NME5: variants seen among roughly 807,000 people sequenced by gnomAD.
NME5 encodes NME/NM23 family member 5.
A neutral mutation model predicts 21.6 loss-of-function variants in NME5; 18 were observed. That is an observed-to-expected ratio of 0.83 (90% CI 0.58 to 1.24). The LOEUF is 1.24. Among genes scored for constraint, NME5 ranks in the 50% most tolerant of loss-of-function variants. NME5 has a pLI of 0.00. For missense variants in NME5, 223 were observed against 255.4 expected, an observed-to-expected ratio of 0.87 and a Z score of 0.86; for synonymous variants, 70 against 80.6, an observed-to-expected ratio of 0.87 and a Z score of 0.71.
At chr5:138,115,989 A>C (rs1751149017) in intron 5 of NME5, among the ~76,000 whole-genome samples, 1 of 152,238 alleles carries the variant, frequency 6.6e-6, no homozygotes, top group African/African-American at 2.4e-5. Flanking sequence ...ATAAACCTAC[A>C]TGTGGAAAAC....
At chr5:138,136,741 C>T (rs997534630) in intron 2 of NME5, among the ~76,000 whole-genome samples, 2 of 151,992 alleles carry the variant, frequency 1.3e-5, no homozygotes, top group Admixed American at 6.6e-5. Flanking sequence ...CTCCCATGTT[C>T]AAGCGATTCT....
At position 138,128,540 on chromosome 5, in the gene NME5, T is replaced by G; in HGVS notation, c.375A>C (p.Ala125=). The change falls in exon 4 of 6, where the codon GCA becomes GCC. Residue 125 remains alanine, a synonymous_variant. Transcript: ENST00000265191. ...AIYGTDDLRN[A]LHGSNDFAAA... is the part of the protein sequence containing the mutation. ...CAGCAAAGTCATTACTCCCATGAAGTGCATTCCTTAGGTCATCTGTGCCAT... is the reference window on the plus strand; with the variant it reads ...CAGCAAAGTCATTACTCCCATGAAGGGCATTCCTTAGGTCATCTGTGCCAT... The G allele has an allele frequency of 6.2e-7, 1 of 1,612,908 alleles. No homozygotes were observed. The highest frequency in any genetic ancestry group is 2.2e-5 in the East Asian group (1 of 44,810).
intron 2 of NME5, among the ~76,000 whole-genome samples, chr5:138,131,412 G>A (rs1394113967): frequency 6.6e-6 from 1 of 151,402 alleles, no homozygotes; most frequent in Non-Finnish European, 1.5e-5. Context: ...AGTAAGGCGT[G>A]GTGGTGCATG....
At chr5:138,116,712 C>G (rs368179661) in intron 5 of NME5, 1 of 153,662 alleles carries the variant, frequency 6.5e-6, no homozygotes, top group Non-Finnish European at 1.5e-5. Flanking sequence ...AATAAACCCA[C>G]GCATCTATGG....
In NME5 at chr5:138,134,853, C is replaced by A. The variant is rs535604203; in HGVS notation, c.129+3799G>T. On this transcript the variant is annotated intron_variant, in intron 2 of 5. Transcript: ENST00000265191. ...CCATTCTCCTGCCTCGTAGCTGGGA[C>A]TACAGGTGCCCGCCACTGCGCCCGG... Among the ~76,000 whole-genome samples the A allele has an allele frequency of 5.2e-4, 70 of 133,682 alleles. 1 individual carries two copies. The East Asian group carries it at 0.016, about 31-fold the overall frequency. 87.7% of individuals were successfully genotyped at this position (133,682 alleles called of 152,430 possible).
At chr5:138,121,253 C>T (rs187309240) in intron 4 of NME5, among the ~76,000 whole-genome samples, 104 of 151,948 alleles carry the variant, frequency 6.8e-4, no homozygotes, top group Non-Finnish European at 1.4e-3. Context: ...GGCGAGACTG[C>T]CTTTCTACAA....
chr5:138,121,425 A>C (rs1011310290), intron 4 of NME5, among the ~76,000 whole-genome samples: 1 of 152,158 alleles, frequency 6.6e-6, no homozygotes, highest in African/African-American at 2.4e-5. Context: ...CTCAAAAAAA[A>C]AGGAAACCAA....
At chr5:138,136,615 A>AT (rs1256094636) in intron 2 of NME5, among the ~76,000 whole-genome samples, 2 of 151,746 alleles carry the variant, frequency 1.3e-5, no homozygotes, top group African/African-American at 4.8e-5. Context: ...TTGTGCAGAA[A>AT]TTTTTTGTTT....
rs142638270 is a variant in NME5 at position 138,115,469 on chromosome 5, G to A, written c.*212C>T. ...TTACATGAGTTTTCCATTACCTAGT[G>A]TTACATCATTGTTAAAATCATACTC... is the stretch of plus-strand genomic sequence containing the variant. On this transcript the variant is annotated 3_prime_UTR_variant, in exon 6 of 6. Coordinates refer to ENST00000265191, the MANE Select transcript of NME5 (RefSeq NM_003551.3). 1,819 of 367,606 alleles carry A rather than the reference G, an allele frequency of 4.9e-3. 17 individuals are homozygous for A. The highest frequency in any genetic ancestry group is 0.018 in the Middle Eastern group (23 of 1,314). 22.8% of individuals were successfully genotyped at this position (367,606 alleles called of 1,614,324 possible). A position where few individuals can be genotyped will look rare whatever the true frequency, so the allele number is the denominator to read the frequency against.
intron 4 of NME5, among the ~76,000 whole-genome samples, chr5:138,124,910 CTTGTTTTA>C (rs756823051): frequency 2.6e-5 from 4 of 151,974 alleles, no homozygotes; most frequent in Non-Finnish European, 5.9e-5. Flanking sequence ...TTCTCTCATC[CTTGTTTTA>C]TTTATTTATT....
chr5:138,129,506 G>C (rs995722338), intron 2 of NME5, 38 bp from the exon 3 acceptor site: 2 of 1,471,626 alleles, frequency 1.4e-6, no homozygotes, highest in Non-Finnish European at 1.9e-6. Flanking sequence ...CATTTAAAAT[G>C]ACAGTTCAAT....
chr5:138,139,044 A>G (rs1170479853), intron 1 of NME5: 2 of 254,564 alleles, frequency 7.9e-6, no homozygotes, highest in African/African-American at 4.6e-5. Context: ...CTATGGGCTC[A>G]CATAACCAGA....
chr5:138,134,700 C>T (rs553186282), intron 2 of NME5, among the ~76,000 whole-genome samples: 208 of 151,324 alleles, frequency 1.4e-3, no homozygotes, highest in African/African-American at 4.6e-3. Flanking sequence ...TTATAATTAA[C>T]ACTAGCCACT....
At position 138,131,780 on chromosome 5, in the gene NME5, C is replaced by T. The variant is rs142249434; in HGVS notation, c.130-2312G>A. Reference sequence around the variant, plus strand: ...TTTGAAACGGAGTTTTGCTCTGTCACCCAGGCTAGATAGAGTGCAGTGGTG... The same window carrying T: ...TTTGAAACGGAGTTTTGCTCTGTCATCCAGGCTAGATAGAGTGCAGTGGTG... On this transcript the variant is annotated intron_variant, in intron 2 of 5. Transcript: ENST00000265191. 3.7e-3 allele frequency among the ~76,000 whole-genome samples: 562 copies of T among 151,700 alleles called. 3 individuals are homozygous for T. The highest frequency in any genetic ancestry group is 0.013 in the African/African-American group (534 of 41,314).
chr5:138,119,492 T>G (rs1288996100), intron 4 of NME5, among the ~76,000 whole-genome samples: 4 of 151,538 alleles, frequency 2.6e-5, no homozygotes, highest in African/African-American at 9.7e-5. Flanking sequence ...GCCACCATGC[T>G]CGGCCCTAAT....
At position 138,115,782 on chromosome 5, in the gene NME5, AC is replaced by A. The variant is rs1751144749; in HGVS notation, c.556-19del. On this transcript the variant is annotated intron_variant, in intron 5 of 5. Coordinates refer to ENST00000265191, the MANE Select transcript of NME5 (RefSeq NM_003551.3). The stretch of plus-strand genomic sequence containing the variant: ...AGCCAAATCTATGGGAAAAAAAAAA[AC>A]AACCTAAGTTAAGAAACAGTTACAT... 12 of 1,516,436 alleles carry A rather than the reference AC, an allele frequency of 7.9e-6. No individual in the cohort carries two copies. The highest frequency in any genetic ancestry group is 1.4e-5 in the African/African-American group (1 of 71,248). 93.9% of individuals were successfully genotyped at this position (1,516,436 alleles called of 1,614,324 possible). A position where few individuals can be genotyped will look rare whatever the true frequency, so the allele number is the denominator to read the frequency against.
At chr5:138,117,940 C>T (rs1049235611) in intron 5 of NME5, among the ~76,000 whole-genome samples, 5 of 151,550 alleles carry the variant, frequency 3.3e-5, no homozygotes, top group East Asian at 2.0e-4. Context: ...GCCCAGATTG[C>T]GCCTCTGCAT....
intron 2 of NME5, among the ~76,000 whole-genome samples, chr5:138,129,982 A>G (rs1236427599): frequency 3.3e-5 from 5 of 152,170 alleles, no homozygotes; most frequent in Non-Finnish European, 7.4e-5. Context: ...CTCCCTCAGC[A>G]TATGTTTTGT....
rs555818387 is a variant in NME5 at position 138,121,823 on chromosome 5, T to C, written c.437-2887A>G. On this transcript the variant is annotated intron_variant, in intron 4 of 5. Transcript: ENST00000265191. ...GTCAATGTCTACGTAAAAGTATGCA[T>C]GGACTTTTAAAAGGATTACATTAAA... is the stretch of plus-strand genomic sequence containing the variant. Among the ~76,000 whole-genome samples the C allele has an allele frequency of 2.6e-5, 4 of 152,312 alleles. No homozygotes were observed. In the East Asian group the frequency reaches 5.8e-4, roughly 22 times the overall value.
Sources: gnomAD v4.1 joint callset for allele counts (sites outside exome capture counted in the v4.1 genomes callset) on GRCh38, gnomAD v4.1.1 for gene constraint, MANE v1.5 for transcripts, NCBI Gene and HGNC (gene_info 2026-07-23, HGNC 2026-07-21) for gene names.